The following ROCK2 variants were observed in gnomAD, a reference collection of about 807,000 sequenced individuals.
ROCK2 encodes the protein Rho associated coiled-coil containing protein kinase 2.
Under a neutral mutation model 195.1 loss-of-function variants are expected in ROCK2, and 61 were observed. The observed-to-expected ratio is 0.31, with a 90% CI of 0.25 to 0.39. The LOEUF is 0.39. Among genes scored for constraint, ROCK2 ranks in the 10% least tolerant of loss-of-function variants. The pLI is 1.00. For synonymous variants in ROCK2, 504 were observed against 545.5 expected, an observed-to-expected ratio of 0.92 and a Z score of 1.06; for missense variants, 1,109 against 1,637.4, an observed-to-expected ratio of 0.68 and a Z score of 5.57.
chr2:11,275,311 A>C (rs1666787024), intron 3 of ROCK2, among the ~76,000 whole-genome samples: 1 of 152,152 alleles, frequency 6.6e-6, no homozygotes, highest in South Asian at 2.1e-4. Flanking sequence ...CTTTAATAGA[A>C]GCTATATGAA....
intron 1 of ROCK2, among the ~76,000 whole-genome samples, chr2:11,334,158 G>A (rs560321467): frequency 1.3e-5 from 2 of 152,192 alleles, no homozygotes; most frequent in African/African-American, 4.8e-5. Context: ...GTTTATCTGG[G>A]AAGTATTTTA....
At chr2:11,211,592 T>C in intron 18 of ROCK2, 89 bp downstream of exon 18, 2 of 1,212,682 alleles carry the variant, frequency 1.6e-6, no homozygotes, top group East Asian at 2.5e-5. Flanking sequence ...CAATGAAATA[T>C]AAAAAAAAAT....
intron 1 of ROCK2, among the ~76,000 whole-genome samples, chr2:11,331,665 G>A (rs1007796681): frequency 4.6e-5 from 7 of 152,124 alleles, no homozygotes; most frequent in East Asian, 3.9e-4. Context: ...GGTGGCTCAC[G>A]CCTGTAATCC....
At chr2:11,218,921 A>T in intron 10 of ROCK2, 45 bp downstream of exon 10, 1 of 1,149,076 alleles carries the variant, frequency 8.7e-7, no homozygotes, top group Non-Finnish European at 1.2e-6. Flanking sequence ...TAAAATATTT[A>T]AACATGAAAC....
chr2:11,329,833 C>T (rs1403486353), intron 1 of ROCK2, among the ~76,000 whole-genome samples: 2 of 152,260 alleles, frequency 1.3e-5, no homozygotes, highest in East Asian at 1.9e-4. Context: ...TCTTCTTTAA[C>T]CTGAATATAA....
intron 1 of ROCK2, among the ~76,000 whole-genome samples, chr2:11,296,019 A>AGAGAGAGAGAGG (rs1667522481): frequency 9.1e-6 from 1 of 109,904 alleles, no homozygotes; most frequent in Non-Finnish European, 2.1e-5. Context: ...AGAGAGAGAG[A>AGAGAGAGAGAGG]GAGAGAGAGA....
intron 1 of ROCK2, among the ~76,000 whole-genome samples, chr2:11,335,291 C>T (rs1668895787): frequency 6.6e-6 from 1 of 151,918 alleles, no homozygotes; most frequent in Admixed American, 6.6e-5. Context: ...TTTAATAATA[C>T]TTTAAAGGGG....
intron 6 of ROCK2, among the ~76,000 whole-genome samples, chr2:11,226,554 T>C (rs1013667207): frequency 2.0e-5 from 3 of 152,310 alleles, no homozygotes; most frequent in African/African-American, 7.2e-5. Flanking sequence ...TTTACTTCTC[T>C]ACTACTATTG....
chr2:11,344,146 G>A lies in ROCK2; in HGVS notation c.-10C>T, dbSNP rs769302127. The A allele has an allele frequency of 8.4e-6, 12 of 1,425,114 alleles. No homozygotes were observed. In the African/African-American group the frequency reaches 1.4e-4, roughly 16 times the overall value. The allele number at this position is 1,425,114 out of a possible 1,614,324, so 88.3% of individuals were successfully genotyped here. A position where few individuals can be genotyped will look rare whatever the true frequency, so the allele number is the denominator to read the frequency against. ...GCGGGGGCCGGCTCATGCCGCCACC[G>A]CTGGACCCGCACTCAGGCTCCTCGC... is the stretch of plus-strand genomic sequence containing the variant. On this transcript the variant is annotated 5_prime_UTR_variant, in exon 1 of 33. Transcript: ENST00000315872. The surrounding 1 kb of genome is among the most constrained non-coding windows in gnomAD (Gnocchi z 5.4).
At chr2:11,250,515 A>T (rs1665794072) in intron 3 of ROCK2, among the ~76,000 whole-genome samples, 1 of 152,234 alleles carries the variant, frequency 6.6e-6, no homozygotes, top group Admixed American at 6.5e-5. Context: ...TTTATTAGAT[A>T]AGTAACAACT....
At chr2:11,215,782 GCTTT>G (rs1308607745) in intron 13 of ROCK2, 137 bp from the exon 14 acceptor site, 5 of 678,064 alleles carry the variant, frequency 7.4e-6, no homozygotes, top group Non-Finnish European at 1.2e-5. Flanking sequence ...CTGTAATAAT[GCTTT>G]CTATGATTGT....
chr2:11,337,273 A>G (rs1668958925), intron 1 of ROCK2, among the ~76,000 whole-genome samples: 1 of 151,888 alleles, frequency 6.6e-6, no homozygotes, highest in Non-Finnish European at 1.5e-5. Flanking sequence ...ACAGAGAGAG[A>G]GATACACCAT....
At chr2:11,198,384 G>T in intron 25 of ROCK2, 107 bp downstream of exon 25, 1 of 730,700 alleles carries the variant, frequency 1.4e-6, no homozygotes, top group Non-Finnish European at 2.3e-6. Context: ...CACAAATATT[G>T]GTACATTCGA....
At chr2:11,236,653 T>C (rs1665217370) in intron 4 of ROCK2, among the ~76,000 whole-genome samples, 1 of 152,154 alleles carries the variant, frequency 6.6e-6, no homozygotes, top group African/African-American at 2.4e-5. Context: ...AACCTATCTG[T>C]ACATTCTACC....
intron 10 of ROCK2, 123 bp downstream of exon 10, chr2:11,218,843 C>T: frequency 1.8e-6 from 1 of 570,584 alleles, no homozygotes; most frequent in South Asian, 2.5e-5. Flanking sequence ...AACTGTATTA[C>T]ACAAGGAATG....
chr2:11,292,529 TAATAA>T lies in ROCK2; in HGVS notation c.142-4798_142-4794del, dbSNP rs577723785. 8.4e-3 allele frequency among the ~76,000 whole-genome samples: 1,282 copies of T among 152,272 alleles called. 20 individuals carry two copies. The highest frequency in any genetic ancestry group is 0.029 in the African/African-American group (1,220 of 41,558). On this transcript the variant is annotated intron_variant, in intron 1 of 32. Transcript: ENST00000315872. ...TATAAACAATATTGAACTTAAAAGTTAATAAAATAATAAACTTAATTAGTAAAATT... is the reference window on the plus strand; with the variant it reads ...TATAAACAATATTGAACTTAAAAGTTAATAATAAACTTAATTAGTAAAATT...
chr2:11,328,997 G>A (rs1668633528), intron 1 of ROCK2, among the ~76,000 whole-genome samples: 1 of 151,458 alleles, frequency 6.6e-6, no homozygotes, highest in Admixed American at 6.6e-5. Flanking sequence ...CAGCACACCA[G>A]CATGGCACAT....
intron 20 of ROCK2, among the ~76,000 whole-genome samples, chr2:11,203,787 G>A (rs574112096): frequency 1.4e-4 from 21 of 152,244 alleles, no homozygotes; most frequent in African/African-American, 5.1e-4. Context: ...ATTTCTCCAT[G>A]AGTCAAAGAT....
intron 8 of ROCK2, 36 bp downstream of exon 8, chr2:11,222,047 G>A: frequency 8.1e-7 from 1 of 1,237,868 alleles, no homozygotes; most frequent in Non-Finnish European, 1.2e-6. Flanking sequence ...GTTTCAGAAT[G>A]TGATGGAATG....
Sources: gnomAD v4.1 joint callset for allele counts (sites outside exome capture counted in the v4.1 genomes callset) on GRCh38, gnomAD v4.1.1 for gene constraint, Gnocchi (gnomAD v3.1) non-coding constraint, MANE v1.5 for transcripts, NCBI Gene and HGNC (gene_info 2026-07-23, HGNC 2026-07-21) for gene names.